Variants in CFAP299 observed in about 807,000 individuals in gnomAD.
The protein encoded by CFAP299 is cilia- and flagella-associated protein 299.
Under a neutral mutation model 27.0 loss-of-function variants are expected in CFAP299, and 21 were observed. The ratio of observed to expected loss-of-function variants is 0.78; its 90% CI spans 0.55 to 1.12. CFAP299 has a LOEUF of 1.12. CFAP299 is among the 50% of genes most tolerant of loss of function. The pLI is 0.00. For missense variants in CFAP299, 310 were observed against 276.6 expected (o/e 1.12, Z -0.86); for synonymous variants, 104 against 98.1 (o/e 1.06, Z -0.36).
chr4:80,952,349 A>T (rs148409232), intron 5 of CFAP299, among the ~76,000 whole-genome samples: 2 of 152,206 alleles, frequency 1.3e-5, no homozygotes, highest in Admixed American at 1.3e-4. Context: ...CACTGAAAAC[A>T]TATGTAGAGC....
intron 3 of CFAP299, among the ~76,000 whole-genome samples, chr4:80,831,874 T>C (rs1730317499): frequency 6.6e-6 from 1 of 152,162 alleles, no homozygotes; most frequent in South Asian, 2.1e-4. Context: ...TAGTCACTAT[T>C]GTGAGACAGA....
chr4:80,399,687 G>A (rs1183227828), intron 2 of CFAP299, among the ~76,000 whole-genome samples: 4 of 125,350 alleles, frequency 3.2e-5, no homozygotes, highest in Admixed American at 1.8e-4. Flanking sequence ...ACCAGGGCCT[G>A]TTTTGAGGTG....
chr4:80,446,172 C>T (rs1252328391), intron 2 of CFAP299, among the ~76,000 whole-genome samples: 1 of 152,136 alleles, frequency 6.6e-6, no homozygotes, highest in South Asian at 2.1e-4. Flanking sequence ...GGTGTTGTGT[C>T]AATCAGTGAA....
At chr4:80,534,275 G>T (rs1288483327) in intron 2 of CFAP299, among the ~76,000 whole-genome samples, 2 of 145,084 alleles carry the variant, frequency 1.4e-5, no homozygotes, top group Non-Finnish European at 1.5e-5. Context: ...CCTTAAAAGC[G>T]TAAGTTATCT....
chr4:80,960,707 T>C (rs992646453), intron 5 of CFAP299, among the ~76,000 whole-genome samples: 4 of 151,862 alleles, frequency 2.6e-5, no homozygotes, highest in African/African-American at 2.4e-5. Flanking sequence ...ACTATTCATA[T>C]TAAAAGGACT....
chr4:80,963,027 A>G (rs1395136569), intron 5 of CFAP299, among the ~76,000 whole-genome samples: 1 of 152,058 alleles, frequency 6.6e-6, no homozygotes, highest in East Asian at 1.9e-4. Context: ...AGGAAGAAAA[A>G]AAAAGCAGAT....
intron 2 of CFAP299, among the ~76,000 whole-genome samples, chr4:80,369,721 A>T (rs528416385): frequency 6.6e-6 from 1 of 152,220 alleles, no homozygotes; most frequent in Admixed American, 6.5e-5. Context: ...AGTGGCAGCC[A>T]TAGCTTGTAG....
At chr4:80,825,032 G>T (rs1043238894) in intron 3 of CFAP299, among the ~76,000 whole-genome samples, 1 of 151,762 alleles carries the variant, frequency 6.6e-6, no homozygotes, top group African/African-American at 2.4e-5. Context: ...GTCAAGAAAA[G>T]AATGTATATA....
At chr4:80,557,471 TA>T (rs1734834769) in intron 2 of CFAP299, among the ~76,000 whole-genome samples, 1 of 152,096 alleles carries the variant, frequency 6.6e-6, no homozygotes, top group East Asian at 1.9e-4. Flanking sequence ...ATACTTATAC[TA>T]TAGAAGGTCC....
chr4:80,850,305 T>G (rs1393429862), intron 3 of CFAP299, among the ~76,000 whole-genome samples: 1 of 151,904 alleles, frequency 6.6e-6, no homozygotes, highest in Non-Finnish European at 1.5e-5. Context: ...ATCATCATCT[T>G]CCATATAATT....
intron 3 of CFAP299, among the ~76,000 whole-genome samples, chr4:80,630,967 G>A (rs1300743563): frequency 6.6e-6 from 1 of 152,028 alleles, no homozygotes; most frequent in East Asian, 1.9e-4. Flanking sequence ...ATGCTATTTA[G>A]ACTGTTAAAA....
chr4:80,747,180 A>G (rs1242141762), intron 3 of CFAP299, among the ~76,000 whole-genome samples: 6 of 152,068 alleles, frequency 3.9e-5, no homozygotes, highest in Non-Finnish European at 7.4e-5. Flanking sequence ...AAATGTCATT[A>G]TGTGACACAT....
At chr4:80,931,631 C>T (rs1736619448) in intron 4 of CFAP299, among the ~76,000 whole-genome samples, 1 of 152,028 alleles carries the variant, frequency 6.6e-6, no homozygotes, top group South Asian at 2.1e-4. Context: ...CAAGAGGGGG[C>T]TCAGGAACCC....
intron 3 of CFAP299, among the ~76,000 whole-genome samples, chr4:80,638,053 G>T (rs1029726991): frequency 2.0e-5 from 3 of 152,202 alleles, no homozygotes; most frequent in Non-Finnish European, 2.9e-5. Context: ...AAATCTTCAA[G>T]TGTTCAGAGT....
chr4:80,822,553 A>C lies in CFAP299; in HGVS notation c.334-47440A>C, dbSNP rs561851553. ...TTCACTAATGTTTATTCATCATAGG[A>C]GAAATAAAGAAAAGCTGATTTTATA... On this transcript the variant is annotated intron_variant, in intron 3 of 5. Transcript: ENST00000358105. Among the ~76,000 whole-genome samples the C allele has an allele frequency of 2.0e-5, 3 of 152,262 alleles. No homozygotes were observed. The South Asian group carries it at 6.2e-4, about 32-fold the overall frequency.
intron 2 of CFAP299, among the ~76,000 whole-genome samples, chr4:80,449,796 A>C (rs987907732): frequency 3.3e-5 from 5 of 151,888 alleles, no homozygotes; most frequent in Admixed American, 6.6e-5. Flanking sequence ...GAAGCCAGAA[A>C]GGTCCATAAT....
intron 2 of CFAP299, among the ~76,000 whole-genome samples, chr4:80,435,015 G>A (rs901017644): frequency 2.0e-5 from 3 of 152,208 alleles, no homozygotes; most frequent in Admixed American, 2.0e-4. Context: ...TAGTATGCAA[G>A]TGGAGGTGGA....
intron 2 of CFAP299, among the ~76,000 whole-genome samples, chr4:80,552,242 T>A (rs1215517060): frequency 1.3e-5 from 2 of 152,212 alleles, no homozygotes; most frequent in Non-Finnish European, 2.9e-5. Flanking sequence ...CTGGTTTAAA[T>A]GGGAAACATA....
intron 2 of CFAP299, chr4:80,387,869 T>C (rs1725102186): frequency 3.4e-6 from 4 of 1,189,722 alleles, no homozygotes; most frequent in East Asian, 2.3e-5. Context: ...GTCTTCAGCA[T>C]TGGTGGAGAG....
Sources: gnomAD v4.1 joint callset for allele counts (sites outside exome capture counted in the v4.1 genomes callset) on GRCh38, gnomAD v4.1.1 for gene constraint, MANE v1.5 for transcripts, NCBI Gene and HGNC (gene_info 2026-07-23, HGNC 2026-07-21) for gene names.